The following CSMD1 variants were observed in gnomAD, a reference collection of about 807,000 sequenced individuals.
The protein encoded by CSMD1 is CUB and sushi domain-containing protein 1.
CSMD1 carries 213 observed loss-of-function variants against 417.5 expected under a neutral mutation model. The observed-to-expected ratio is 0.51, with a 90% CI of 0.46 to 0.57. The LOEUF (loss-of-function observed/expected upper bound fraction) is 0.57, where lower values mean the gene tolerates loss of function less well. Among genes scored for constraint, CSMD1 ranks in the 20% least tolerant of loss-of-function variants. The pLI is 0.00. For synonymous variants in CSMD1, 2,862 were observed against 1,736.8 expected (o/e 1.65, Z -16.11); for missense variants, 6,923 against 4,529.7 (o/e 1.53, Z -15.17).
At chr8:4,752,846 G>A (rs753391492) in intron 1 of CSMD1, among the ~76,000 whole-genome samples, 2 of 152,118 alleles carry the variant, frequency 1.3e-5, no homozygotes, top group African/African-American at 4.8e-5. Context: ...GAAATAACAA[G>A]TTGAGGAACT....
At chr8:3,944,506 G>C (rs1016846518) in intron 5 of CSMD1, among the ~76,000 whole-genome samples, 7 of 152,032 alleles carry the variant, frequency 4.6e-5, no homozygotes, top group Middle Eastern at 6.8e-3. Context: ...TTAACCTTTA[G>C]ATTAGGCAGA....
Position 4,641,458 on chromosome 8 carries a change from T to C in CSMD1, c.86-3900A>G, listed in dbSNP as rs918233970. 3.3e-5 allele frequency among the ~76,000 whole-genome samples: 5 copies of C among 152,284 alleles called. 1 individual carries two copies. The highest frequency in any genetic ancestry group is 6.8e-3 in the Middle Eastern group (2 of 294). On this transcript the variant is annotated intron_variant, in intron 1 of 69. Transcript: ENST00000635120. ...TCAGTCATTTTTAAATTCTGTCTTATACTGTTGGACTGAGGTTCTGTTTTC... is the reference window on the plus strand; with the variant it reads ...TCAGTCATTTTTAAATTCTGTCTTACACTGTTGGACTGAGGTTCTGTTTTC...
At chr8:3,575,494 C>T (rs1002436087) in intron 9 of CSMD1, among the ~76,000 whole-genome samples, 2 of 152,184 alleles carry the variant, frequency 1.3e-5, no homozygotes, top group African/African-American at 4.8e-5. Flanking sequence ...GAGTGCAATT[C>T]AACCAGAGTT....
chr8:3,316,317 A>G (rs78442079), intron 23 of CSMD1, among the ~76,000 whole-genome samples: 9,477 of 152,180 alleles, frequency 0.062, 419 homozygotes, highest in South Asian at 0.16. Context: ...GAAAATAATG[A>G]GCTGTAAAAA....
chr8:2,958,025 T>C (rs1294321144), intron 62 of CSMD1, among the ~76,000 whole-genome samples: 2 of 152,242 alleles, frequency 1.3e-5, no homozygotes, highest in Admixed American at 1.3e-4. Context: ...TTCTCGAATT[T>C]TGAAAATTTA....
intron 1 of CSMD1, among the ~76,000 whole-genome samples, chr8:4,948,901 T>C (rs1488996397): frequency 1.3e-5 from 2 of 152,154 alleles, no homozygotes; most frequent in Admixed American, 6.5e-5. Flanking sequence ...TGTTTTTACA[T>C]AAAAATAATG....
At chr8:4,786,413 A>G (rs1254044662) in intron 1 of CSMD1, among the ~76,000 whole-genome samples, 1 of 152,196 alleles carries the variant, frequency 6.6e-6, no homozygotes, top group African/African-American at 2.4e-5. Flanking sequence ...ATAAATAATC[A>G]CTTCTAATGT....
At chr8:3,363,662 C>G (rs7009138) in intron 20 of CSMD1, among the ~76,000 whole-genome samples, 34,870 of 152,012 alleles carry the variant, frequency 0.23, 4,373 homozygotes, top group African/African-American at 0.34. Flanking sequence ...TGAGTAGCTG[C>G]GACCACAGGC....
At chr8:3,940,954 C>G (rs1810841373) in intron 5 of CSMD1, among the ~76,000 whole-genome samples, 1 of 150,366 alleles carries the variant, frequency 6.7e-6, no homozygotes, top group Non-Finnish European at 1.5e-5. Context: ...ACATATATGT[C>G]CAAATTGTCA....
At chr8:2,960,256 G>C (rs1803341923) in intron 62 of CSMD1, among the ~76,000 whole-genome samples, 2 of 152,166 alleles carry the variant, frequency 1.3e-5, no homozygotes, top group African/African-American at 2.4e-5. Context: ...AAATGTGCTA[G>C]AGTCAGTATA....
At chr8:3,763,658 C>G (rs546749697) in intron 5 of CSMD1, among the ~76,000 whole-genome samples, 1 of 152,254 alleles carries the variant, frequency 6.6e-6, no homozygotes, top group East Asian at 1.9e-4. Flanking sequence ...CTATATAGCA[C>G]TGCAAAACAC....
chr8:3,546,010 C>G (rs537976067), intron 10 of CSMD1, among the ~76,000 whole-genome samples: 148 of 152,274 alleles, frequency 9.7e-4, no homozygotes, highest in Non-Finnish European at 1.9e-3. Flanking sequence ...TCACATGACA[C>G]TGAGAAAGAT....
intron 7 of CSMD1, among the ~76,000 whole-genome samples, chr8:3,693,529 C>G (rs556924273): frequency 2.6e-5 from 4 of 152,220 alleles, no homozygotes; most frequent in Non-Finnish European, 5.9e-5. Flanking sequence ...ATCCATTATA[C>G]ATATCGTTAC....
intron 7 of CSMD1, among the ~76,000 whole-genome samples, chr8:3,650,217 G>C (rs1436031166): frequency 6.6e-6 from 1 of 151,678 alleles, no homozygotes; most frequent in Non-Finnish European, 1.5e-5. Flanking sequence ...AGGCAGATTT[G>C]CAATGACCTG....
At chr8:4,730,584 CA>C (rs1266550620) in intron 1 of CSMD1, among the ~76,000 whole-genome samples, 8 of 151,482 alleles carry the variant, frequency 5.3e-5, no homozygotes, top group South Asian at 2.1e-4. Flanking sequence ...ACTAAAAATA[CA>C]AAAAAATTAG....
In CSMD1 at chr8:3,205,551, G is replaced by A; in HGVS notation, c.4937C>T (p.Thr1646Ile). 1.2e-6 allele frequency: 2 copies of A among 1,602,736 alleles called. No homozygotes were observed. Among genetic ancestry groups the A allele is most frequent in the Non-Finnish European group, 1.7e-6 (2 of 1,173,214 alleles). The part of the protein sequence containing the change: ...VLSPNYPHNY[T>I]AGQICLYSIT... ...GGAATAGAGGCATATTTGACCAGCT[G>A]TGTAATTATGGGGGTAGTTTGGTGA... The change falls in exon 31 of 70, where the codon ACA becomes ATA. Residue 1646 changes from threonine (T) to isoleucine (I), a missense_variant. By Grantham distance (89) the Thr-to-Ile change is moderately conservative. Coordinates refer to ENST00000635120, the MANE Select transcript of CSMD1 (RefSeq NM_033225.6).
intron 18 of CSMD1, 110 bp from the exon 19 acceptor site, chr8:3,369,480 G>A (rs997005444): frequency 3.2e-6 from 2 of 619,306 alleles, no homozygotes; most frequent in East Asian, 2.8e-5. Context: ...CAAATTTAAT[G>A]TCATATCCAA....
intron 1 of CSMD1, among the ~76,000 whole-genome samples, chr8:4,680,964 G>A (rs1234488446): frequency 1.7e-5 from 2 of 118,626 alleles, no homozygotes; most frequent in African/African-American, 6.9e-5. Flanking sequence ...GTGTGTGTGT[G>A]TGTGTGTGTG....
chr8:3,934,550 AG>A (rs1215044886), intron 5 of CSMD1, among the ~76,000 whole-genome samples: 2 of 152,166 alleles, frequency 1.3e-5, no homozygotes, highest in Non-Finnish European at 2.9e-5. Flanking sequence ...TCACTAACTA[AG>A]GGTTAAACAA....
Sources: gnomAD v4.1 joint callset for allele counts (sites outside exome capture counted in the v4.1 genomes callset) on GRCh38, gnomAD v4.1.1 for gene constraint, MANE v1.5 for transcripts, NCBI Gene and HGNC (gene_info 2026-07-23, HGNC 2026-07-21) for gene names.